LETM1: variants seen among roughly 807,000 people sequenced by gnomAD.
The protein encoded by LETM1 is mitochondrial proton/calcium exchanger protein.
LETM1 carries 50 observed loss-of-function variants against 74.5 expected under a neutral mutation model. That is an observed-to-expected ratio of 0.67 (90% CI 0.53 to 0.85). The LOEUF (loss-of-function observed/expected upper bound fraction) is 0.85. LETM1 is among the 40% of genes least tolerant of loss of function. The probability of loss-of-function intolerance (pLI) is 0.00; values close to 1 mark genes in which losing one functional copy is unlikely to be tolerated. For missense variants in LETM1, 824 were observed against 967.8 expected (o/e 0.85, Z 1.97); for synonymous variants, 446 against 407.1 (o/e 1.10, Z -1.15).
intron 2 of LETM1, among the ~76,000 whole-genome samples, chr4:1,847,824 CAAAAAAAAAAA>C (rs778839346): frequency 4.8e-5 from 2 of 41,922 alleles, no homozygotes; most frequent in East Asian, 7.3e-4. Flanking sequence ...AACTCGGTCT[CAAAAAAAAAAA>C]AAAAAAAAAA....
intron 11 of LETM1, among the ~76,000 whole-genome samples, chr4:1,818,899 T>C (rs1010588378): frequency 2.0e-5 from 3 of 151,974 alleles, no homozygotes; most frequent in Admixed American, 6.6e-5. Flanking sequence ...CTGGTCAACA[T>C]GGTGAAACCC....
intron 2 of LETM1, among the ~76,000 whole-genome samples, chr4:1,847,594 T>A (rs1712926850): frequency 6.6e-6 from 1 of 151,524 alleles, no homozygotes; most frequent in Non-Finnish European, 1.5e-5. Context: ...CCGAGGTAGG[T>A]GGATCATCTG....
chr4:1,826,985 C>A (rs900733845), intron 6 of LETM1, among the ~76,000 whole-genome samples: 2 of 151,944 alleles, frequency 1.3e-5, no homozygotes, highest in African/African-American at 4.9e-5. Context: ...CCACTCGCAT[C>A]GTCGCCTCCA....
chr4:1,828,401 A>G (rs1712099868), intron 6 of LETM1, among the ~76,000 whole-genome samples: 1 of 96,460 alleles, frequency 1.0e-5, no homozygotes, highest in African/African-American at 4.6e-5. Context: ...TCCCTCCCGG[A>G]CGGGGCGGCT....
rs1270194377 is a variant in LETM1 at position 1,816,950 on chromosome 4, T to G, written c.1744-36A>C. On this transcript the variant is annotated intron_variant, in intron 11 of 13. Coordinates refer to ENST00000302787, the MANE Select transcript of LETM1 (RefSeq NM_012318.3). The stretch of plus-strand genomic sequence containing the variant: ...TATTTTGGTTGTAAAAAGTTTGTCT[T>G]AAAAGAAAAAGGGGGTCAGGTGTAG... 5.7e-6 allele frequency: 9 copies of G among 1,581,312 alleles called. No individual in the cohort carries two copies. In the South Asian group the frequency reaches 1.0e-4, roughly 18 times the overall value.
chr4:1,832,711 C>T (rs771662327), intron 6 of LETM1, 33 bp downstream of exon 6: 3 of 1,598,648 alleles, frequency 1.9e-6, no homozygotes, highest in Middle Eastern at 1.7e-4. Context: ...GGTAAAACAC[C>T]AGAGCTGTGG....
intron 2 of LETM1, chr4:1,846,695 A>G (rs1031809828): frequency 6.6e-6 from 1 of 152,238 alleles, no homozygotes; most frequent in African/African-American, 2.4e-5. Flanking sequence ...CATATGTCAC[A>G]AACACTAGAT....
chr4:1,847,339 T>C (rs976395917), intron 2 of LETM1, among the ~76,000 whole-genome samples: 1 of 147,998 alleles, frequency 6.8e-6, no homozygotes. Context: ...AATGAGATCC[T>C]GTCTCAAAAA....
intron 3 of LETM1, among the ~76,000 whole-genome samples, chr4:1,839,495 A>G (rs71606379): frequency 0.038 from 5,744 of 152,300 alleles, 174 homozygotes; most frequent in Non-Finnish European, 0.057. Flanking sequence ...CTGCTGGGAA[A>G]GAGTTGAAGC....
chr4:1,829,350 A>AC lies in LETM1; in HGVS notation c.1080+3393dup, dbSNP rs1164643478. 1.1e-4 allele frequency among the ~76,000 whole-genome samples: 12 copies of AC among 111,698 alleles called. No homozygotes were observed. In the South Asian group the frequency reaches 2.7e-3, roughly 25 times the overall value. 73.3% of individuals were successfully genotyped at this position (111,698 alleles called of 152,430 possible). ...GGGCGGCTGGCCAGGCGGAGGGCTGACCCCCCCACCTCCCTCCCGGATGGG... is the reference window on the plus strand; with the variant it reads ...GGGCGGCTGGCCAGGCGGAGGGCTGACCCCCCCCACCTCCCTCCCGGATGGG... On this transcript the variant is annotated intron_variant, in intron 6 of 13. Transcript: ENST00000302787.
intron 1 of LETM1, among the ~76,000 whole-genome samples, chr4:1,854,210 G>A (rs1024127617): frequency 3.3e-5 from 5 of 152,188 alleles, no homozygotes; most frequent in African/African-American, 1.2e-4. Context: ...GGCCAGGCGA[G>A]GTGGCTCACG....
intron 6 of LETM1, among the ~76,000 whole-genome samples, chr4:1,828,095 G>A (rs865972963): frequency 7.3e-6 from 1 of 136,128 alleles, no homozygotes; most frequent in African/African-American, 2.9e-5. Flanking sequence ...CGGGCAGGGG[G>A]GCTGACACCC....
rs1309934960 is a variant in LETM1 at position 1,813,452 on chromosome 4, G to C, written c.*972C>G. 1.3e-5 allele frequency: 2 copies of C among 152,382 alleles called. No homozygotes were observed. Among genetic ancestry groups the C allele is most frequent in the South Asian group, 2.1e-4 (1 of 4,830 alleles). The allele number at this position is 152,382 out of a possible 1,614,324, so 9.4% of individuals were successfully genotyped here. ...GTGCGGGGAGGCCACCCCACCCAGA[G>C]GGCACAGGGCAAACCCTAAGCACGG... is the stretch of plus-strand genomic sequence containing the variant. On this transcript the variant is annotated 3_prime_UTR_variant, in exon 14 of 14. Coordinates refer to ENST00000302787, the MANE Select transcript of LETM1 (RefSeq NM_012318.3).
At position 1,823,104 on chromosome 4, in the gene LETM1, C is replaced by G. The variant is rs772608419; in HGVS notation, c.1360G>C (p.Glu454Gln). The G allele has an allele frequency of 1.2e-6, 2 of 1,606,026 alleles. No homozygotes were observed. Among genetic ancestry groups the G allele is most frequent in the Non-Finnish European group, 1.7e-6 (2 of 1,175,486 alleles). ...VAKEAQVKVA[E>Q]VEGEQVDNKA... ...TTGTCCACCTGCTCGCCCTCCACCTCGGCCACTTTCACCTGTGCTTCCTTT... is the reference window on the plus strand; with the variant it reads ...TTGTCCACCTGCTCGCCCTCCACCTGGGCCACTTTCACCTGTGCTTCCTTT... The change falls in exon 9 of 14, where the codon GAG (glutamate) becomes CAG (glutamine). Residue 454 changes from glutamate (E) to glutamine (Q), a missense_variant. Transcript: ENST00000302787.
At chr4:1,828,902 G>A (rs1402934752) in intron 6 of LETM1, among the ~76,000 whole-genome samples, 2 of 110,684 alleles carry the variant, frequency 1.8e-5, no homozygotes, top group Non-Finnish European at 3.7e-5. Context: ...CGGCTGGCCG[G>A]GCAGAGGGGC....
chr4:1,848,941 G>A (rs1712976136), intron 2 of LETM1, among the ~76,000 whole-genome samples: 2 of 152,086 alleles, frequency 1.3e-5, no homozygotes, highest in Admixed American at 6.6e-5. Flanking sequence ...TGGGCACTGA[G>A]GTTAGGAATG....
At chr4:1,841,231 GA>G in intron 3 of LETM1, 115 bp downstream of exon 3, 4 of 894,904 alleles carry the variant, frequency 4.5e-6, no homozygotes, top group Admixed American at 5.3e-5. Flanking sequence ...TGTGGTCCCA[GA>G]TACTCGGGAG....
intron 8 of LETM1, among the ~76,000 whole-genome samples, chr4:1,823,382 G>A (rs1006694114): frequency 2.6e-5 from 4 of 152,248 alleles, no homozygotes; most frequent in African/African-American, 4.8e-5. Context: ...CAAGGGCCGC[G>A]GCCCAGATCC....
chr4:1,856,126 G>T lies in LETM1; in HGVS notation c.-176C>A. On this transcript the variant is annotated 5_prime_UTR_variant, in exon 1 of 14. Transcript: ENST00000302787. The stretch of plus-strand genomic sequence containing the variant: ...AGGACCCGGCACCAGCGGCGGCCTT[G>T]TCCCGGCACAGACGTCCGGAGGCGC... 1 of 351,594 alleles carries T rather than the reference G, an allele frequency of 2.8e-6. No individual in the cohort carries two copies. 21.8% of individuals were successfully genotyped at this position (351,594 alleles called of 1,614,324 possible).
Sources: allele counts gnomAD v4.1 joint callset (sites outside exome capture counted in the v4.1 genomes callset), GRCh38; gene constraint gnomAD v4.1.1; transcripts MANE v1.5; gene names NCBI Gene and HGNC (gene_info 2026-07-23, HGNC 2026-07-21).